Variants in NBEA observed in about 807,000 individuals in gnomAD.
NBEA encodes the protein lysosomal-trafficking regulator 2.
A neutral mutation model predicts 343.4 loss-of-function variants in NBEA; 44 were observed. That is an observed-to-expected ratio of 0.13 (90% CI 0.10 to 0.16). The LOEUF (loss-of-function observed/expected upper bound fraction) is 0.16, where lower values mean the gene tolerates loss of function less well. Ranked by LOEUF, NBEA falls within the 10% of genes least tolerant of loss-of-function variation. NBEA has a pLI of 1.00. For synonymous variants in NBEA, 1,175 were observed against 1,238.7 expected (o/e 0.95, Z 1.08); for missense variants, 2,555 against 3,631.3 (o/e 0.70, Z 7.62).
chr13:35,619,082 CCAAATG>C, intron 48 of NBEA, among the ~76,000 whole-genome samples: 1 of 149,846 alleles, frequency 6.7e-6, no homozygotes, highest in Non-Finnish European at 1.5e-5. Context: ...AGATTATACC[CCAAATG>C]CAAATGTAAA....
intron 30 of NBEA, among the ~76,000 whole-genome samples, chr13:35,187,145 A>T (rs933040676): frequency 6.6e-6 from 1 of 151,810 alleles, no homozygotes; most frequent in Non-Finnish European, 1.5e-5. Context: ...CGAATGATGG[A>T]TTTAGGACAT....
intron 11 of NBEA, among the ~76,000 whole-genome samples, chr13:35,108,034 A>C (rs1593367635): frequency 6.6e-6 from 1 of 152,138 alleles, no homozygotes; most frequent in Admixed American, 6.6e-5. Flanking sequence ...TAAGTCAAAT[A>C]TATTGAGTTA....
chr13:35,379,282 T>C (rs2041893755), intron 38 of NBEA, among the ~76,000 whole-genome samples: 1 of 152,184 alleles, frequency 6.6e-6, no homozygotes, highest in Non-Finnish European at 1.5e-5. Flanking sequence ...TATTGCCTTA[T>C]AGTGTTAGTG....
rs1233453685 is a variant in NBEA at position 35,539,401 on chromosome 13, G to A, written c.6586-11076G>A. ...ACGGCACACTGGGGAGCAGAGAAGTGTTCAGGATGGTTAGAATTTAAGAGC... is the reference window on the plus strand; with the variant it reads ...ACGGCACACTGGGGAGCAGAGAAGTATTCAGGATGGTTAGAATTTAAGAGC... On this transcript the variant is annotated intron_variant, in intron 41 of 58. Transcript: ENST00000379939. Among the ~76,000 whole-genome samples the A allele has an allele frequency of 2.0e-5, 3 of 152,240 alleles. No individual in the cohort carries two copies. The South Asian group carries it at 6.2e-4, about 32-fold the overall frequency.
chr13:35,112,420 C>A (rs575694674), intron 13 of NBEA, among the ~76,000 whole-genome samples: 1 of 152,082 alleles, frequency 6.6e-6, no homozygotes, highest in African/African-American at 2.4e-5. Context: ...CATAAGACTG[C>A]ATCTATATAT....
chr13:35,605,589 T>C (rs1206566989), intron 47 of NBEA, among the ~76,000 whole-genome samples: 1 of 152,166 alleles, frequency 6.6e-6, no homozygotes, highest in Non-Finnish European at 1.5e-5. Context: ...ACATAAAAAC[T>C]ACAGCAGTTT....
At chr13:35,641,520 C>A (rs1428124737) in intron 49 of NBEA, among the ~76,000 whole-genome samples, 3 of 152,124 alleles carry the variant, frequency 2.0e-5, no homozygotes, top group African/African-American at 7.2e-5. Flanking sequence ...CCGATACATA[C>A]AACAAGGTTG....
chr13:35,456,132 A>G (rs1396164351), intron 40 of NBEA, among the ~76,000 whole-genome samples: 2 of 151,982 alleles, frequency 1.3e-5, no homozygotes, highest in Admixed American at 6.6e-5. Context: ...TTTTAGTACA[A>G]TTTTACTTAA....
At chr13:35,400,061 A>G (rs1468663468) in intron 38 of NBEA, among the ~76,000 whole-genome samples, 1 of 152,088 alleles carries the variant, frequency 6.6e-6, no homozygotes, top group Non-Finnish European at 1.5e-5. Context: ...TAACCATAAC[A>G]TATAATAAGA....
At chr13:35,466,174 T>C (rs2075378634) in intron 40 of NBEA, among the ~76,000 whole-genome samples, 2 of 152,204 alleles carry the variant, frequency 1.3e-5, no homozygotes, top group Non-Finnish European at 2.9e-5. Context: ...TCTCATTTTA[T>C]ACAATAATAA....
intron 38 of NBEA, among the ~76,000 whole-genome samples, chr13:35,368,722 G>A (rs1187593572): frequency 1.3e-5 from 2 of 151,552 alleles, no homozygotes; most frequent in Non-Finnish European, 3.0e-5. Flanking sequence ...CACAGTACCT[G>A]CCACTTAGGC....
chr13:35,030,687 C>T lies in NBEA; in HGVS notation c.295-10246C>T, dbSNP rs181698473. 3.8e-3 allele frequency among the ~76,000 whole-genome samples: 571 copies of T among 151,776 alleles called. 3 individuals are homozygous for T. Among genetic ancestry groups the T allele is most frequent in the African/African-American group, 0.013 (551 of 41,534 alleles). On this transcript the variant is annotated intron_variant, in intron 1 of 58. Transcript: ENST00000379939. The stretch of plus-strand genomic sequence containing the variant: ...TTTCCTAATCTTGGGATGATATTTT[C>T]ATTCAGCAGTTAGCCTCTTTAACAC...
intron 33 of NBEA, among the ~76,000 whole-genome samples, chr13:35,224,501 C>G (rs946079718): frequency 6.6e-6 from 1 of 152,058 alleles, no homozygotes; most frequent in African/African-American, 2.4e-5. Flanking sequence ...ATTGGCCTAT[C>G]TTCAAATTCA....
At chr13:35,054,783 A>G (rs2063191922) in intron 6 of NBEA, among the ~76,000 whole-genome samples, 1 of 151,340 alleles carries the variant, frequency 6.6e-6, no homozygotes, top group Non-Finnish European at 1.5e-5. Context: ...AGCTGGGATT[A>G]CAGGCACATG....
intron 31 of NBEA, among the ~76,000 whole-genome samples, chr13:35,199,459 A>G (rs892691682): frequency 1.3e-5 from 2 of 152,194 alleles, no homozygotes; most frequent in Non-Finnish European, 2.9e-5. Flanking sequence ...AAAAGTAGAT[A>G]TAAACTCAGT....
intron 48 of NBEA, among the ~76,000 whole-genome samples, chr13:35,612,790 C>T (rs7330098): frequency 0.22 from 34,126 of 151,984 alleles, 4,034 homozygotes; most frequent in Non-Finnish European, 0.24. Flanking sequence ...CCTATATCTG[C>T]AGAAAATGCT....
At chr13:35,300,952 G>A (rs1403077918) in intron 35 of NBEA, among the ~76,000 whole-genome samples, 4 of 151,420 alleles carry the variant, frequency 2.6e-5, no homozygotes, top group African/African-American at 9.7e-5. Context: ...ACTAAATATG[G>A]TAAAAAAAAA....
At chr13:35,221,575 T>C (rs1223621102) in intron 33 of NBEA, among the ~76,000 whole-genome samples, 1 of 152,130 alleles carries the variant, frequency 6.6e-6, no homozygotes, top group African/African-American at 2.4e-5. Context: ...ATCTGAAAGA[T>C]TATAAACATA....
At chr13:35,480,784 T>C (rs1424291734) in intron 41 of NBEA, among the ~76,000 whole-genome samples, 1 of 152,026 alleles carries the variant, frequency 6.6e-6, no homozygotes, top group Non-Finnish European at 1.5e-5. Flanking sequence ...TGCAGGGTTT[T>C]CTTTATGTGT....
Sources: gnomAD v4.1 joint callset for allele counts (sites outside exome capture counted in the v4.1 genomes callset) on GRCh38, gnomAD v4.1.1 for gene constraint, MANE v1.5 for transcripts, NCBI Gene and HGNC (gene_info 2026-07-23, HGNC 2026-07-21) for gene names.